Variants in AIRE observed in about 807,000 individuals in gnomAD.
The protein encoded by AIRE is autoimmune polyendocrinopathy candidiasis ectodermal dystrophy protein.
In AIRE, 52 loss-of-function variants were observed where a neutral mutation model predicts 62.1. The observed-to-expected ratio is 0.84, with a 90% CI of 0.67 to 1.06. AIRE has a LOEUF of 1.06. Ranked by LOEUF, AIRE falls within the 50% of genes least tolerant of loss-of-function variation. AIRE has a pLI of 0.00. For missense variants in AIRE, 774 were observed against 755.8 expected, an observed-to-expected ratio of 1.02 and a Z score of -0.28; for synonymous variants, 342 against 321.6, an observed-to-expected ratio of 1.06 and a Z score of -0.68.
chr21:44,289,885 T>TGCTGGGG, intron 6 of AIRE, 83 bp downstream of exon 6: 1 of 1,607,174 alleles, frequency 6.2e-7, no homozygotes, highest in Non-Finnish European at 8.5e-7. Context: ...GGAGTGGCTC[T>TGCTGGGG]GCTGGGGGCT....
chr21:44,291,357 G>A (rs1237394783), intron 8 of AIRE, 147 bp downstream of exon 8: 2 of 1,363,028 alleles, frequency 1.5e-6, no homozygotes, highest in East Asian at 2.5e-5. Context: ...TGGGGCCGGG[G>A]CCTGGGGTTT....
chr21:44,286,280 G>C lies in AIRE; in HGVS notation c.132+142G>C. On this transcript the variant is annotated intron_variant, in intron 1 of 13. Coordinates refer to ENST00000291582, the MANE Select transcript of AIRE (RefSeq NM_000383.4). This position sits in a 1 kb window ranked among gnomAD's most constrained non-coding sequence, Gnocchi z 6.0. ...AACTCCCTCCCCACAAGGAGCCAGG[G>C]GCGTCCCTGATGACAAGTTAGAAGT... 1 of 1,020,014 alleles carries C rather than the reference G, an allele frequency of 9.8e-7. No individual in the cohort carries two copies. Among genetic ancestry groups the C allele is most frequent in the Admixed American group, 2.2e-5 (1 of 44,912 alleles). The allele number at this position is 1,020,014 out of a possible 1,614,324, so 63.2% of individuals were successfully genotyped here.
intron 5 of AIRE, 74 bp from the exon 6 acceptor site, chr21:44,289,583 C>T (rs1712157234): frequency 1.3e-6 from 2 of 1,593,178 alleles, no homozygotes; most frequent in South Asian, 2.2e-5. Flanking sequence ...TAGACCCCAC[C>T]CTGGGGCCTA....
rs538568691 is a variant in AIRE at position 44,287,584 on chromosome 21, C to A, written c.531C>A (p.Leu177=). The change falls in exon 4 of 14, where the codon CTC becomes CTA. Residue 177 remains leucine (L), a synonymous_variant. Coordinates refer to ENST00000291582, the MANE Select transcript of AIRE (RefSeq NM_000383.4). This position sits in a 1 kb window ranked among gnomAD's most constrained non-coding sequence, Gnocchi z 4.3. ...ESSAEQQRLP[L]GNGIQTMSAS... ...GCGCAGAGCAGCAGCGCCTTCCACT[C>A]GGGAACGGTGAGCGGGGCCCAGTGG... 4 of 1,555,874 alleles carry A rather than the reference C, an allele frequency of 2.6e-6. No homozygotes were observed. Among genetic ancestry groups the A allele is most frequent in the East Asian group, 4.8e-5 (2 of 41,856 alleles).
In AIRE at chr21:44,297,771, GA is replaced by G; in HGVS notation, c.*46del. ...TGCAGCTCTGATGAGAGAGTGCTGA[GA>G]AGGACACCTCCTTCCTCAGTCCTGG... On this transcript the variant is annotated 3_prime_UTR_variant, in exon 14 of 14. Transcript: ENST00000291582. The surrounding 1 kb of genome is among the most constrained non-coding windows in gnomAD (Gnocchi z 4.8). 12 of 1,560,996 alleles carry G rather than the reference GA, an allele frequency of 7.7e-6. 1 individual carries two copies. Among genetic ancestry groups the G allele is most frequent in the Non-Finnish European group, 1.1e-5 (12 of 1,134,346 alleles).
Position 44,289,798 on chromosome 21 carries a change from C to T in AIRE, c.794C>T (p.Ala265Val), listed in dbSNP as rs775896896. 15 of 1,612,468 alleles carry T rather than the reference C, an allele frequency of 9.3e-6. No individual in the cohort carries two copies. The highest frequency in any genetic ancestry group is 1.7e-4 in the Middle Eastern group (1 of 5,958). The change falls in exon 6 of 14, where the codon GCC becomes GTC. Residue 265 changes from alanine (A) to valine (V), a missense_variant. Ala to Val is a moderately conservative substitution (Grantham distance 64, BLOSUM62 0). This residue lies in a region of AIRE where 385 missense variants were observed against 396.0 expected (regional missense o/e 0.97). Transcript: ENST00000291582. ...LVRAKGAQGAAPGGGEARLGQ... is the reference protein window; with the variant it reads ...LVRAKGAQGAVPGGGEARLGQ... ...CGAGCCAAGGGAGCCCAGGGCGCTGCCCCCGTAAGCACCTGACCTTCCCTG... is the reference window on the plus strand; with the variant it reads ...CGAGCCAAGGGAGCCCAGGGCGCTGTCCCCGTAAGCACCTGACCTTCCCTG...
At chr21:44,292,487 C>CACATGGCCACGCCCCCTCCTA in intron 9 of AIRE, 86 bp downstream of exon 9, 1 of 916,482 alleles carries the variant, frequency 1.1e-6, no homozygotes, top group Non-Finnish European at 1.7e-6. Context: ...CCCTCCTGTC[C>CACATGGCCACGCCCCCTCCTA]GTCTGTCCCC....
chr21:44,286,380 AC>A lies in AIRE; in HGVS notation c.133-174del, dbSNP rs1342516697. 8.1e-6 allele frequency among the ~76,000 whole-genome samples: 1 copy of A among 123,534 alleles called. No homozygotes were observed. Among genetic ancestry groups the A allele is most frequent in the Admixed American group, 8.3e-5 (1 of 12,094 alleles). The allele number at this position is 123,534 out of a possible 152,430, so 81.0% of individuals were successfully genotyped here. On this transcript the variant is annotated intron_variant, in intron 1 of 13. Transcript: ENST00000291582. The surrounding 1 kb of genome is among the most constrained non-coding windows in gnomAD (Gnocchi z 6.0). The stretch of plus-strand genomic sequence containing the variant: ...ATGGCCTCCAGGTTCCCCCAGCCCC[AC>A]CCTCAACACCCCTACACCACCACCT...
rs780730527 is a variant in AIRE, at chr21:44,286,153, C to G, written c.132+15C>G. On this transcript the variant is annotated intron_variant, in intron 1 of 13. Coordinates refer to ENST00000291582, the MANE Select transcript of AIRE (RefSeq NM_000383.4). The surrounding 1 kb of genome is among the most constrained non-coding windows in gnomAD (Gnocchi z 6.0). ...ACAAGTTTCAGGTGGGCTCCCCGCC[C>G]GCCCCCCGCTGCCCCCAGGCCCTGT... 2.0e-6 allele frequency: 3 copies of G among 1,536,206 alleles called. No homozygotes were observed. Among genetic ancestry groups the G allele is most frequent in the South Asian group, 2.4e-5 (2 of 83,780 alleles).
rs1213326298 is a variant in AIRE at position 44,288,402 on chromosome 21, T to TC, written c.599dup (p.Ala202SerfsTer15). On this transcript the variant is annotated frameshift_variant, in exon 5 of 14. Coordinates refer to ENST00000291582, the MANE Select transcript of AIRE (RefSeq NM_000383.4). LOFTEE classifies it high-confidence loss of function. ...GCTGTGGCCATGTCCTCCGGGGACGTCCCGGGAGCCCGAGGGGCCGTGGAG... is the reference window on the plus strand; with the variant it reads ...GCTGTGGCCATGTCCTCCGGGGACGTCCCCGGGAGCCCGAGGGGCCGTGGAG... 1.2e-6 allele frequency: 2 copies of TC among 1,612,666 alleles called. No individual in the cohort carries two copies. Among genetic ancestry groups the TC allele is most frequent in the African/African-American group, 2.7e-5 (2 of 74,912 alleles).
chr21:44,290,497 C>T (rs2040525444), intron 7 of AIRE: 2 of 954,602 alleles, frequency 2.1e-6, no homozygotes, highest in Non-Finnish European at 2.5e-6. Flanking sequence ...CCACTTGGCA[C>T]CAGGGGCTCT....
Position 44,298,309 on chromosome 21 carries a change from C to T in AIRE, c.*582C>T, listed in dbSNP as rs536903815. Reference sequence around the variant, plus strand: ...CACTCACTCCCCATTCCCCTCCCAACCCCTGGCACCCTCCACTCTACTTTC... The same window carrying T: ...CACTCACTCCCCATTCCCCTCCCAATCCCTGGCACCCTCCACTCTACTTTC... On this transcript the variant is annotated 3_prime_UTR_variant, in exon 14 of 14. Transcript: ENST00000291582. 1.7e-4 allele frequency: 29 copies of T among 174,042 alleles called. No homozygotes were observed. Among genetic ancestry groups the T allele is most frequent in the Non-Finnish European group, 2.6e-4 (21 of 80,164 alleles). 10.8% of individuals were successfully genotyped at this position (174,042 alleles called of 1,614,324 possible).
intron 12 of AIRE, among the ~76,000 whole-genome samples, chr21:44,294,734 C>T (rs571718607): frequency 5.3e-5 from 8 of 152,206 alleles, no homozygotes; most frequent in Non-Finnish European, 8.8e-5. Flanking sequence ...GGGTTGGTGG[C>T]TGACGTCACG....
rs1413276895 is a variant in AIRE at position 44,297,311 on chromosome 21, C to T, written c.1567-345C>T. Among the ~76,000 whole-genome samples, 1 of 140,874 alleles carries T rather than the reference C, an allele frequency of 7.1e-6. No individual in the cohort carries two copies. Among genetic ancestry groups the T allele is most frequent in the Non-Finnish European group, 1.6e-5 (1 of 63,960 alleles). The allele number at this position is 140,874 out of a possible 152,430, so 92.4% of individuals were successfully genotyped here. ...GCAGAATAAGTAGCTGGCCCCGACC[C>T]CCCCACCCTGAAGGAGCCACCCGAG... is the stretch of plus-strand genomic sequence containing the variant. On this transcript the variant is annotated intron_variant, in intron 13 of 13. Coordinates refer to ENST00000291582, the MANE Select transcript of AIRE (RefSeq NM_000383.4). This position sits in a 1 kb window ranked among gnomAD's most constrained non-coding sequence, Gnocchi z 4.8.
chr21:44,289,916 G>T, intron 6 of AIRE, 72 bp from the exon 7 acceptor site: 1 of 1,598,804 alleles, frequency 6.3e-7, no homozygotes, highest in Non-Finnish European at 8.5e-7. Context: ...GCCGAGAGAC[G>T]CCTGGTGCCA....
Position 44,287,262 on chromosome 21 carries a change from G to T in AIRE, c.463+129G>T, listed in dbSNP as rs1464862245. On this transcript the variant is annotated intron_variant, in intron 3 of 13. Coordinates refer to ENST00000291582, the MANE Select transcript of AIRE (RefSeq NM_000383.4). This position sits in a 1 kb window ranked among gnomAD's most constrained non-coding sequence, Gnocchi z 4.3. ...GGCCAGCCTGCCTGGGGCTGTGGGGGTCTCCTCTGGGTACTAGACCCACAC... is the reference window on the plus strand; with the variant it reads ...GGCCAGCCTGCCTGGGGCTGTGGGGTTCTCCTCTGGGTACTAGACCCACAC... 8 of 1,164,104 alleles carry T rather than the reference G, an allele frequency of 6.9e-6. No homozygotes were observed. In the East Asian group the frequency reaches 1.0e-4, roughly 15 times the overall value. 72.1% of individuals were successfully genotyped at this position (1,164,104 alleles called of 1,614,324 possible). A position where few individuals can be genotyped will look rare whatever the true frequency, so the allele number is the denominator to read the frequency against.
Position 44,297,308 on chromosome 21 carries a change from A to AC in AIRE, c.1567-341dup, listed in dbSNP as rs988110303. Among the ~76,000 whole-genome samples, 3 of 97,646 alleles carry AC rather than the reference A, an allele frequency of 3.1e-5. No individual in the cohort carries two copies. Among genetic ancestry groups the AC allele is most frequent in the Admixed American group, 1.1e-4 (1 of 9,032 alleles). The allele number at this position is 97,646 out of a possible 152,430, so 64.1% of individuals were successfully genotyped here. A position where few individuals can be genotyped will look rare whatever the true frequency, so the allele number is the denominator to read the frequency against. ...TGAGCAGAATAAGTAGCTGGCCCCG[A>AC]CCCCCCCACCCTGAAGGAGCCACCC... On this transcript the variant is annotated intron_variant, in intron 13 of 13. Coordinates refer to ENST00000291582, the MANE Select transcript of AIRE (RefSeq NM_000383.4). This position sits in a 1 kb window ranked among gnomAD's most constrained non-coding sequence, Gnocchi z 4.8.
rs148485568 is a variant in AIRE, at chr21:44,292,489, T to A, written c.1095+88T>A. ...AGGCTGGGCCACCCCCTCCTGTCCG[T>A]CTGTCCCCTGGAGTCCTGTGGGACA... On this transcript the variant is annotated intron_variant, in intron 9 of 13. Coordinates refer to ENST00000291582, the MANE Select transcript of AIRE (RefSeq NM_000383.4). 4.2e-4 allele frequency: 385 copies of A among 911,714 alleles called. 1 individual carries two copies. In the African/African-American group the frequency reaches 5.9e-3, roughly 14 times the overall value. The allele number at this position is 911,714 out of a possible 1,614,324, so 56.5% of individuals were successfully genotyped here. A position where few individuals can be genotyped will look rare whatever the true frequency, so the allele number is the denominator to read the frequency against.
rs2040489751 is a variant in AIRE, at chr21:44,287,082, G to C, written c.412G>C (p.Ala138Pro). ...LPTKRKASEE[A>P]RAAAPAALTP... ...CACCAAGAGGAAGGCCTCAGAAGAG[G>C]CTCGAGCTGCCGCGCCAGCAGCCCT... Residue 138 changes from alanine (A) to proline (P), a missense_variant, in exon 3 of 14, where the codon GCT becomes CCT. Ala to Pro is a conservative substitution (Grantham distance 27, BLOSUM62 -1). Coordinates refer to ENST00000291582, the MANE Select transcript of AIRE (RefSeq NM_000383.4). This position sits in a 1 kb window ranked among gnomAD's most constrained non-coding sequence, Gnocchi z 4.3. 6.2e-7 allele frequency: 1 copy of C among 1,612,366 alleles called. No individual in the cohort carries two copies. The highest frequency in any genetic ancestry group is 1.7e-5 in the Admixed American group (1 of 60,008).
Sources: gnomAD v4.1 joint callset for allele counts (sites outside exome capture counted in the v4.1 genomes callset) on GRCh38, gnomAD v4.1.1 for gene constraint, gnomAD v4.1.1 regional missense constraint, Gnocchi (gnomAD v3.1) non-coding constraint, MANE v1.5 for transcripts, NCBI Gene and HGNC (gene_info 2026-07-23, HGNC 2026-07-21) for gene names.